Variants in ABCB1 observed in about 807,000 individuals in gnomAD.
ABCB1 encodes ATP binding cassette subfamily B member 1.
A neutral mutation model predicts 142.0 loss-of-function variants in ABCB1; 69 were observed. That is an observed-to-expected ratio of 0.49 (90% CI 0.40 to 0.59). The LOEUF is 0.59. Among genes scored for constraint, ABCB1 ranks in the 20% least tolerant of loss-of-function variants. The pLI is 0.00. For synonymous variants in ABCB1, 532 were observed against 539.2 expected (o/e 0.99, Z 0.18); for missense variants, 1,326 against 1,554.7 (o/e 0.85, Z 2.47).
At position 87,693,789 on chromosome 7, in the gene ABCB1, G is replaced by A; in HGVS notation, c.-331+19372C>T. The A allele has an allele frequency of 6.9e-6, 6 of 866,100 alleles. No homozygotes were observed. In the South Asian group the frequency reaches 8.0e-5, roughly 12 times the overall value. 53.7% of individuals were successfully genotyped at this position (866,100 alleles called of 1,614,324 possible). A position where few individuals can be genotyped will look rare whatever the true frequency, so the allele number is the denominator to read the frequency against. Reference sequence around the variant, plus strand: ...CATTTATTTAGTAGGTAAAAGTAGTGTTTACTGCTTCAAAATTATATGTAG... The same window carrying A: ...CATTTATTTAGTAGGTAAAAGTAGTATTTACTGCTTCAAAATTATATGTAG... On this transcript the variant is annotated intron_variant, in intron 1 of 28. Transcript: ENST00000265724.
chr7:87,571,253 T>C (rs1818040199), intron 4 of ABCB1, among the ~76,000 whole-genome samples: 1 of 151,952 alleles, frequency 6.6e-6, no homozygotes, highest in African/African-American at 2.4e-5. Flanking sequence ...TTGACAGGGG[T>C]AGGAAGTGTG....
intron 1 of ABCB1, chr7:87,629,294 G>C (rs1370864241): frequency 4.7e-6 from 1 of 213,300 alleles, no homozygotes; most frequent in African/African-American, 2.3e-5. Flanking sequence ...CTGTCAGCGA[G>C]CTTTGGATAA....
Position 87,545,941 on chromosome 7 carries a change from A to T in ABCB1, c.1809T>A (p.Asp603Glu), listed in dbSNP as rs757574649. 1 of 1,614,144 alleles carries T rather than the reference A, an allele frequency of 6.2e-7. No individual in the cohort carries two copies. The highest frequency in any genetic ancestry group is 2.2e-5 in the East Asian group (1 of 44,878). The change falls in exon 15 of 28, where the codon GAT (aspartate) becomes GAA (glutamate). Residue 603 changes from aspartate to glutamate, a missense_variant. By Grantham distance (45) the Asp-to-Glu change is conservative. Transcript: ENST00000622132. ...GATTTCCTTTCTCCACAATGACTCC[A>T]TCATCGAAACCAGCGATGACGTCAG... ...RNADVIAGFD[D>E]GVIVEKGNHD...
chr7:87,620,423 G>T (rs896519300), intron 1 of ABCB1, among the ~76,000 whole-genome samples: 10 of 152,148 alleles, frequency 6.6e-5, no homozygotes, highest in Non-Finnish European at 4.4e-5. Context: ...CTCACAAAGT[G>T]CTGGGATTAC....
At chr7:87,696,249 T>G (rs920238073) in intron 1 of ABCB1, among the ~76,000 whole-genome samples, 12 of 152,182 alleles carry the variant, frequency 7.9e-5, no homozygotes, top group South Asian at 2.1e-4. Context: ...AGTTTCTTGC[T>G]ATATGATTGT....
chr7:87,686,551 T>A (rs1425782769), intron 1 of ABCB1, among the ~76,000 whole-genome samples: 1 of 152,086 alleles, frequency 6.6e-6, no homozygotes, highest in Non-Finnish European at 1.5e-5. Flanking sequence ...AGCAGTAAAG[T>A]CATCAGAGAC....
At chr7:87,520,460 T>C (rs1238715043) in intron 22 of ABCB1, among the ~76,000 whole-genome samples, 1 of 152,164 alleles carries the variant, frequency 6.6e-6, no homozygotes, top group African/African-American at 2.4e-5. Flanking sequence ...TCAGGTTCCA[T>C]AAATAACTCA....
chr7:87,670,341 TA>T (rs1329789429), intron 1 of ABCB1, among the ~76,000 whole-genome samples: 1 of 152,252 alleles, frequency 6.6e-6, no homozygotes, highest in Non-Finnish European at 1.5e-5. Flanking sequence ...GTTCTGTTTT[TA>T]TACCAGCTAT....
At chr7:87,706,104 G>T (rs1200582685) in intron 1 of ABCB1, among the ~76,000 whole-genome samples, 1 of 152,074 alleles carries the variant, frequency 6.6e-6, no homozygotes, top group Non-Finnish European at 1.5e-5. Context: ...TTCCTTCATT[G>T]TTTAATTAGA....
intron 1 of ABCB1, among the ~76,000 whole-genome samples, chr7:87,638,455 G>A (rs901441935): frequency 6.6e-5 from 10 of 151,478 alleles, no homozygotes; most frequent in African/African-American, 2.4e-4. Flanking sequence ...AATTCACCAG[G>A]GAAGCAATGT....
upstream of ABCB1, among the ~76,000 whole-genome samples, chr7:87,605,672 C>T (rs1255617687): frequency 6.6e-6 from 1 of 152,116 alleles, no homozygotes; most frequent in Non-Finnish European, 1.5e-5. Flanking sequence ...AAGAAATACT[C>T]CACTGCTCAA....
intron 1 of ABCB1, among the ~76,000 whole-genome samples, chr7:87,698,389 G>A (rs933187731): frequency 1.1e-4 from 16 of 151,906 alleles, no homozygotes; most frequent in South Asian, 2.1e-4. Flanking sequence ...CCACCGCACC[G>A]GCTGCAAAAT....
At chr7:87,705,929 C>A (rs1357535001) in intron 1 of ABCB1, among the ~76,000 whole-genome samples, 1 of 152,090 alleles carries the variant, frequency 6.6e-6, no homozygotes, top group Non-Finnish European at 1.5e-5. Flanking sequence ...CTTGCTTTTT[C>A]ATTTTCTTGG....
chr7:87,506,396 A>G (rs777644976), intron 26 of ABCB1, among the ~76,000 whole-genome samples: 2 of 152,224 alleles, frequency 1.3e-5, no homozygotes, highest in African/African-American at 4.8e-5. Context: ...CAAAGTATTC[A>G]TAATAAAATA....
At chr7:87,653,540 A>G (rs1356368011) in intron 1 of ABCB1, among the ~76,000 whole-genome samples, 3 of 152,096 alleles carry the variant, frequency 2.0e-5, no homozygotes, top group Non-Finnish European at 4.4e-5. Flanking sequence ...AACACTTCTG[A>G]TCTCTGAGAA....
chr7:87,557,817 T>C lies in ABCB1; in HGVS notation c.827+3446A>G, dbSNP rs977282314. ...TCAGGTTTTATTCCATCCATCATTA[T>C]AGTTTTTGTTGCTAATAATGTCCTT... On this transcript the variant is annotated intron_variant, in intron 8 of 27. Coordinates refer to ENST00000622132, the MANE Select transcript of ABCB1 (RefSeq NM_001348946.2). Among the ~76,000 whole-genome samples the C allele has an allele frequency of 3.0e-4, 45 of 152,246 alleles. 1 individual carries two copies. The highest frequency in any genetic ancestry group is 6.5e-5 in the Admixed American group (1 of 15,288).
At chr7:87,595,112 C>T (rs2214105) in intron 3 of ABCB1, among the ~76,000 whole-genome samples, 4,555 of 152,028 alleles carry the variant, frequency 0.03, 63 homozygotes, top group Middle Eastern at 0.048. Context: ...ACCAACCACA[C>T]ATATATGATA....
At chr7:87,504,481 A>G (rs773942612) in intron 27 of ABCB1, 32 bp from the exon 28 acceptor site, 1 of 1,612,994 alleles carries the variant, frequency 6.2e-7, no homozygotes, top group Non-Finnish European at 8.5e-7. Context: ...TAATTCTCAT[A>G]ATAGTTCTTT....
chr7:87,578,334 G>T (rs1408900388), intron 4 of ABCB1, among the ~76,000 whole-genome samples: 3 of 152,126 alleles, frequency 2.0e-5, no homozygotes, highest in Admixed American at 1.3e-4. Context: ...AGTATAATTT[G>T]AAGTCAGGTA....
Sources: allele counts gnomAD v4.1 joint callset (sites outside exome capture counted in the v4.1 genomes callset), GRCh38; gene constraint gnomAD v4.1.1; transcripts MANE v1.5; gene names NCBI Gene and HGNC (gene_info 2026-07-23, HGNC 2026-07-21).